Variants in WDR41 observed in about 807,000 individuals in gnomAD.
The protein encoded by WDR41 is WD repeat-containing protein 41.
Under a neutral mutation model 69.3 loss-of-function variants are expected in WDR41, and 63 were observed. The observed-to-expected ratio is 0.91, with a 90% CI of 0.74 to 1.12. WDR41 has a LOEUF of 1.12. Ranked by LOEUF, WDR41 falls within the 50% of genes most tolerant of loss-of-function variation. The probability of loss-of-function intolerance (pLI) is 0.00; values close to 1 mark genes in which losing one functional copy is unlikely to be tolerated. For missense variants in WDR41, 543 were observed against 534.5 expected (o/e 1.02, Z -0.16); for synonymous variants, 185 against 192.1 (o/e 0.96, Z 0.31).
intron 1 of WDR41, among the ~76,000 whole-genome samples, chr5:77,610,605 T>G (rs1320447717): frequency 1.3e-5 from 2 of 152,138 alleles, no homozygotes; most frequent in Admixed American, 6.5e-5. Context: ...AAGCAAATGC[T>G]GAGAGATTTT....
chr5:77,469,259 G>A (rs964875487), intron 2 of WDR41, among the ~76,000 whole-genome samples: 9 of 152,116 alleles, frequency 5.9e-5, no homozygotes, highest in African/African-American at 2.2e-4. Context: ...GGGGTAGGGG[G>A]GAGGGATAGC....
At chr5:77,502,040 G>C (rs1242785770) in intron 1 of WDR41, among the ~76,000 whole-genome samples, 1 of 152,140 alleles carries the variant, frequency 6.6e-6, no homozygotes, top group African/African-American at 2.4e-5. Context: ...GACAGAAATA[G>C]GCTTCAGAAA....
chr5:77,520,995 T>C (rs1319224992), intron 1 of WDR41, among the ~76,000 whole-genome samples: 1 of 152,168 alleles, frequency 6.6e-6, no homozygotes, highest in Non-Finnish European at 1.5e-5. Context: ...CCTCGGCCCC[T>C]GACCTTCGGG....
chr5:77,601,755 G>A (rs751575985), intron 1 of WDR41, among the ~76,000 whole-genome samples: 3 of 152,170 alleles, frequency 2.0e-5, no homozygotes, highest in South Asian at 2.1e-4. Context: ...AAAGTGAAAC[G>A]TAATTCCTCC....
rs550793012 is a variant in WDR41, at chr5:77,504,826, C to G, written c.43-15254G>C. On this transcript the variant is annotated intron_variant, in intron 1 of 5. Coordinates refer to the WDR41 transcript ENST00000509971. ...AAGGCCTTCGACAAAATTCAACAGC[C>G]CTTCACGCTAAAAACTCTCAATAAA... Among the ~76,000 whole-genome samples the G allele has an allele frequency of 1.1e-4, 17 of 152,214 alleles. No individual in the cohort carries two copies. In the South Asian group the frequency reaches 3.3e-3, roughly 30 times the overall value.
At chr5:77,557,411 A>G (rs533420410) in intron 1 of WDR41, among the ~76,000 whole-genome samples, 1 of 152,326 alleles carries the variant, frequency 6.6e-6, no homozygotes, top group South Asian at 2.1e-4. Flanking sequence ...AACACACACA[A>G]TCCAATAGAG....
At chr5:77,499,238 C>A (rs1387820315) in intron 1 of WDR41, 2 of 152,206 alleles carry the variant, frequency 1.3e-5, no homozygotes, top group African/African-American at 4.8e-5. Flanking sequence ...GTCAGCATTT[C>A]TTTTTTCTTC....
chr5:77,487,706 C>T (rs994349813), intron 2 of WDR41, among the ~76,000 whole-genome samples: 1 of 152,140 alleles, frequency 6.6e-6, no homozygotes, highest in Non-Finnish European at 1.5e-5. Flanking sequence ...GAACAACTCA[C>T]AGTGGGCCCT....
intron 12 of WDR41, among the ~76,000 whole-genome samples, chr5:77,434,521 A>C (rs6880171): frequency 6.6e-6 from 1 of 151,910 alleles, no homozygotes; most frequent in Non-Finnish European, 1.5e-5. Flanking sequence ...CCTGGCCAAC[A>C]TGGTGACACC....
At chr5:77,501,369 C>T (rs547398210) in intron 1 of WDR41, among the ~76,000 whole-genome samples, 20 of 152,332 alleles carry the variant, frequency 1.3e-4, no homozygotes, top group African/African-American at 4.3e-4. Flanking sequence ...ACAAAGCAGC[C>T]GGGAAGCTCG....
At chr5:77,484,414 A>G (rs1304054428) in intron 2 of WDR41, among the ~76,000 whole-genome samples, 1 of 152,190 alleles carries the variant, frequency 6.6e-6, no homozygotes, top group Non-Finnish European at 1.5e-5. Flanking sequence ...CTTTAGAAAT[A>G]GAAAAGCTAT....
At chr5:77,528,185 G>A (rs576018033) in intron 1 of WDR41, among the ~76,000 whole-genome samples, 21 of 151,722 alleles carry the variant, frequency 1.4e-4, no homozygotes, top group Non-Finnish European at 2.7e-4. Flanking sequence ...GGCAGGAAGA[G>A]AGAGAAGGCA....
chr5:77,476,359 G>C (rs1428405141), intron 2 of WDR41, among the ~76,000 whole-genome samples: 1 of 151,088 alleles, frequency 6.6e-6, no homozygotes, highest in East Asian at 2.0e-4. Context: ...GCAACTCCAA[G>C]ACACATAATT....
chr5:77,460,942 G>C (rs1017332680), intron 4 of WDR41, among the ~76,000 whole-genome samples: 4 of 152,104 alleles, frequency 2.6e-5, no homozygotes, highest in Non-Finnish European at 1.5e-5. Context: ...TTGGGTAAGA[G>C]AGACTGCCAA....
At chr5:77,559,796 A>G (rs887117356) in intron 1 of WDR41, among the ~76,000 whole-genome samples, 3 of 152,132 alleles carry the variant, frequency 2.0e-5, no homozygotes, top group Non-Finnish European at 4.4e-5. Context: ...CAATTCAATC[A>G]CAGCCATGCT....
chr5:77,438,211 T>A, intron 10 of WDR41, 29 bp downstream of exon 10: 1 of 1,612,984 alleles, frequency 6.2e-7, no homozygotes, highest in Non-Finnish European at 8.5e-7. Flanking sequence ...CTTGCTTTCA[T>A]CTATTGCAGA....
At chr5:77,620,398 G>T (rs1268657811) in intron 1 of WDR41, 26 of 440,300 alleles carry the variant, frequency 5.9e-5, no homozygotes, top group South Asian at 2.7e-4. Flanking sequence ...TAGGGGAAAA[G>T]AATTTGAAAG....
Position 77,470,878 on chromosome 5 carries a change from G to C in WDR41, c.168-6069C>G, listed in dbSNP as rs1800564538. On this transcript the variant is annotated intron_variant, in intron 2 of 12. Transcript: ENST00000296679. ...ACATTAGACAGATCAACAAGACAAAGTTAACAAGGATATCCAGGAATTGAA... is the reference window on the plus strand; with the variant it reads ...ACATTAGACAGATCAACAAGACAAACTTAACAAGGATATCCAGGAATTGAA... Among the ~76,000 whole-genome samples, 4 of 143,962 alleles carry C rather than the reference G, an allele frequency of 2.8e-5. No homozygotes were observed. In the South Asian group the frequency reaches 8.9e-4, roughly 32 times the overall value. The allele number at this position is 143,962 out of a possible 152,430, so 94.4% of individuals were successfully genotyped here. A position where few individuals can be genotyped will look rare whatever the true frequency, so the allele number is the denominator to read the frequency against.
intron 8 of WDR41, among the ~76,000 whole-genome samples, chr5:77,443,190 G>A (rs376106694): frequency 2.0e-5 from 3 of 152,020 alleles, no homozygotes; most frequent in African/African-American, 4.8e-5. Flanking sequence ...AATAATAAAC[G>A]TGTAGCCATT....
Sources: gnomAD v4.1 joint callset for allele counts (sites outside exome capture counted in the v4.1 genomes callset) on GRCh38, gnomAD v4.1.1 for gene constraint, MANE v1.5 for transcripts, NCBI Gene and HGNC (gene_info 2026-07-23, HGNC 2026-07-21) for gene names.